The following RIMBP2 variants were observed in gnomAD, a reference collection of about 807,000 sequenced individuals.
RIMBP2 encodes the protein RIMS-binding protein 2.
A neutral mutation model predicts 118.6 loss-of-function variants in RIMBP2; 48 were observed. That is an observed-to-expected ratio of 0.40 (90% CI 0.32 to 0.51). The LOEUF (loss-of-function observed/expected upper bound fraction) is 0.51. RIMBP2 is among the 20% of genes least tolerant of loss of function. The probability of loss-of-function intolerance (pLI) is 0.41; values close to 1 mark genes in which losing one functional copy is unlikely to be tolerated. For missense variants in RIMBP2, 1,551 were observed against 1,768.3 expected (o/e 0.88, Z 2.20); for synonymous variants, 762 against 742.9 (o/e 1.03, Z -0.42).
intron 11 of RIMBP2, among the ~76,000 whole-genome samples, chr12:130,439,322 TGTGTAA>T (rs1397265582): frequency 6.6e-6 from 1 of 150,942 alleles, no homozygotes; most frequent in Non-Finnish European, 1.5e-5. Context: ...TGTATAGATG[TGTGTAA>T]GTGTATGTAT....
At chr12:130,615,320 TA>T (rs1230814016) in intron 2 of RIMBP2, among the ~76,000 whole-genome samples, 14 of 124,096 alleles carry the variant, frequency 1.1e-4, no homozygotes, top group Middle Eastern at 3.8e-3. Flanking sequence ...CATATATAGA[TA>T]TTTTTTTGAG....
rs149482952 is a variant in RIMBP2, at chr12:130,670,225, G to A, written c.-351-41769C>T. On this transcript the variant is annotated intron_variant, in intron 1 of 22. Coordinates refer to ENST00000690449, the MANE Select transcript of RIMBP2 (RefSeq NM_001393629.1). This position sits in a 1 kb window ranked among gnomAD's most constrained non-coding sequence, Gnocchi z 4.9. The stretch of plus-strand genomic sequence containing the variant: ...GAGCTCTGGGAGGGAGCACAGCCCC[G>A]CCGACACCATGATCCCGGCCCCAGG... Among the ~76,000 whole-genome samples the A allele has an allele frequency of 6.2e-4, 94 of 152,036 alleles. No individual in the cohort carries two copies. Among genetic ancestry groups the A allele is most frequent in the African/African-American group, 2.0e-3 (84 of 41,486 alleles).
At chr12:130,480,249 C>T (rs896080579) in intron 4 of RIMBP2, among the ~76,000 whole-genome samples, 2 of 144,442 alleles carry the variant, frequency 1.4e-5, no homozygotes, top group African/African-American at 2.6e-5. Flanking sequence ...GTGGTAACTT[C>T]GTGGTCAACA....
intron 2 of RIMBP2, among the ~76,000 whole-genome samples, chr12:130,580,060 T>A (rs374128684): frequency 6.9e-6 from 1 of 144,322 alleles, no homozygotes. Context: ...TAGCCGGGCA[T>A]GGTGGCAGGT....
chr12:130,666,172 T>G (rs749338457), intron 1 of RIMBP2, among the ~76,000 whole-genome samples: 3 of 152,118 alleles, frequency 2.0e-5, no homozygotes, highest in Non-Finnish European at 4.4e-5. Flanking sequence ...TTTCTAAAAT[T>G]AATACTAAAG....
chr12:130,545,867 G>A (rs188211530), intron 2 of RIMBP2, among the ~76,000 whole-genome samples: 7 of 152,184 alleles, frequency 4.6e-5, no homozygotes, highest in South Asian at 2.1e-4. Context: ...TGCCAATACC[G>A]TTCTTATCTA....
intron 1 of RIMBP2, among the ~76,000 whole-genome samples, chr12:130,661,346 T>G (rs1363048546): frequency 6.6e-6 from 1 of 151,952 alleles, no homozygotes; most frequent in African/African-American, 2.4e-5. Context: ...GCTGAGCTGG[T>G]AATTAACTAG....
In RIMBP2 at chr12:130,622,443, A is replaced by G. The variant is rs2061376522; in HGVS notation, c.-217+5879T>C. Among the ~76,000 whole-genome samples, 2 of 152,168 alleles carry G rather than the reference A, an allele frequency of 1.3e-5. No individual in the cohort carries two copies. ...TAGTTATTTTGTACATAAATTCACTATTCACTAATTGTACGTATAATTCTC... is the reference window on the plus strand; with the variant it reads ...TAGTTATTTTGTACATAAATTCACTGTTCACTAATTGTACGTATAATTCTC... On this transcript the variant is annotated intron_variant, in intron 2 of 22. Coordinates refer to ENST00000690449, the MANE Select transcript of RIMBP2 (RefSeq NM_001393629.1). This position sits in a 1 kb window ranked among gnomAD's most constrained non-coding sequence, Gnocchi z 8.5.
At chr12:130,585,821 G>A (rs1247368963) in intron 2 of RIMBP2, among the ~76,000 whole-genome samples, 27 of 152,144 alleles carry the variant, frequency 1.8e-4, no homozygotes, top group Admixed American at 1.8e-3. Flanking sequence ...ACTCTGCAGG[G>A]TTCTCTCACG....
At chr12:130,631,430 G>A (rs1469481230) in intron 1 of RIMBP2, among the ~76,000 whole-genome samples, 1 of 152,166 alleles carries the variant, frequency 6.6e-6, no homozygotes, top group Non-Finnish European at 1.5e-5. Flanking sequence ...ACTCAGCAGT[G>A]TGACATTTGG....
chr12:130,606,452 G>A (rs906689802), intron 2 of RIMBP2, among the ~76,000 whole-genome samples: 19 of 152,232 alleles, frequency 1.2e-4, no homozygotes, highest in Non-Finnish European at 1.6e-4. Context: ...TCAGTTCCAC[G>A]CAAGGAGGCA....
intron 6 of RIMBP2, among the ~76,000 whole-genome samples, chr12:130,467,673 T>C (rs2080612494): frequency 6.6e-6 from 1 of 152,226 alleles, no homozygotes; most frequent in South Asian, 2.1e-4. Flanking sequence ...ACGGGCAAGG[T>C]GAACCCACTA....
intron 2 of RIMBP2, among the ~76,000 whole-genome samples, chr12:130,522,841 T>A (rs2052300284): frequency 1.3e-5 from 2 of 152,100 alleles, no homozygotes; most frequent in African/African-American, 4.8e-5. Flanking sequence ...GTGACTCTAT[T>A]TGGAGATGGG....
chr12:130,543,146 A>T (rs2054762335), intron 2 of RIMBP2, among the ~76,000 whole-genome samples: 1 of 152,138 alleles, frequency 6.6e-6, no homozygotes, highest in East Asian at 1.9e-4. Context: ...CAGAAAGATG[A>T]CTCTAACTTT....
Position 130,428,250 on chromosome 12 carries a change from G to T in RIMBP2, c.2341C>A (p.Leu781Met). 6.2e-7 allele frequency: 1 copy of T among 1,613,670 alleles called. No individual in the cohort carries two copies. The highest frequency in any genetic ancestry group is 2.2e-5 in the East Asian group (1 of 44,844). The change falls in exon 15 of 23, where the codon CTG becomes ATG. Residue 781 changes from leucine (L) to methionine (M), a missense_variant. This residue lies in a region of RIMBP2 where 1,038 missense variants were observed against 1,125.1 expected (regional missense o/e 0.92). Coordinates refer to ENST00000690449, the MANE Select transcript of RIMBP2 (RefSeq NM_001393629.1). ...SDIMEEDEEE[L>M]YSEMQLEDGG... ...TCTTCCAGCTGCATTTCAGAATACA[G>T]CTCCTCCTCGTCCTCCTCCATGATG... is the stretch of plus-strand genomic sequence containing the variant.
At chr12:130,495,051 C>G (rs974942416) in intron 4 of RIMBP2, among the ~76,000 whole-genome samples, 11 of 152,214 alleles carry the variant, frequency 7.2e-5, no homozygotes, top group Non-Finnish European at 8.8e-5. Context: ...TGTGCCTCTT[C>G]TTCTTATAAG....
intron 2 of RIMBP2, among the ~76,000 whole-genome samples, chr12:130,584,434 AT>A (rs2058721474): frequency 6.8e-6 from 1 of 147,282 alleles, no homozygotes; most frequent in Non-Finnish European, 1.5e-5. Flanking sequence ...CCATCACCTC[AT>A]CACCACCATC....
rs976416786 is a variant in RIMBP2, at chr12:130,663,370, T to C, written c.-351-34914A>G. On this transcript the variant is annotated intron_variant, in intron 1 of 22. Coordinates refer to ENST00000690449, the MANE Select transcript of RIMBP2 (RefSeq NM_001393629.1). ...CCTTTCATGGATTCAAATCCACATGTCTGGCCAAAGAATAAAATAGTGATT... is the reference window on the plus strand; with the variant it reads ...CCTTTCATGGATTCAAATCCACATGCCTGGCCAAAGAATAAAATAGTGATT... Among the ~76,000 whole-genome samples, 10 of 152,002 alleles carry C rather than the reference T, an allele frequency of 6.6e-5. 1 individual carries two copies. Among genetic ancestry groups the C allele is most frequent in the African/African-American group, 2.4e-4 (10 of 41,240 alleles).
intron 3 of RIMBP2, among the ~76,000 whole-genome samples, chr12:130,510,500 G>A (rs745881977): frequency 2.6e-5 from 4 of 151,984 alleles, no homozygotes; most frequent in Non-Finnish European, 4.4e-5. Context: ...ATGGAGTCTC[G>A]CTCTGTCACC....
Sources: gnomAD v4.1 joint callset for allele counts (sites outside exome capture counted in the v4.1 genomes callset) on GRCh38, gnomAD v4.1.1 for gene constraint, gnomAD v4.1.1 regional missense constraint, Gnocchi (gnomAD v3.1) non-coding constraint, MANE v1.5 for transcripts, NCBI Gene and HGNC (gene_info 2026-07-23, HGNC 2026-07-21) for gene names.